Variants in DENND5A observed in about 807,000 individuals in gnomAD.
DENND5A encodes DENN domain containing 5A, also known as DENN domain-containing protein 5A.
A neutral mutation model predicts 140.3 loss-of-function variants in DENND5A; 64 were observed. The observed-to-expected ratio is 0.46, with a 90% confidence interval of 0.37 to 0.56. DENND5A has a LOEUF of 0.56. Ranked by LOEUF, DENND5A falls within the 20% of genes least tolerant of loss-of-function variation. DENND5A has a pLI of 0.00. For missense variants in DENND5A, 1,292 were observed against 1,593.8 expected, an observed-to-expected ratio of 0.81 and a Z score of 3.22; for synonymous variants, 605 against 607.7, an observed-to-expected ratio of 1.00 and a Z score of 0.07.
chr11:9,223,439 C>T (rs562247889), intron 1 of DENND5A, among the ~76,000 whole-genome samples: 2 of 152,198 alleles, frequency 1.3e-5, no homozygotes, highest in South Asian at 4.2e-4. Context: ...ACTTGGGAGG[C>T]TGAGGCAAGA....
intron 1 of DENND5A, among the ~76,000 whole-genome samples, chr11:9,248,555 TGA>T (rs1851577610): frequency 1.3e-5 from 2 of 151,846 alleles, no homozygotes; most frequent in Non-Finnish European, 2.9e-5. Flanking sequence ...CTCCAGAGGC[TGA>T]GTAGGAGGAT....
chr11:9,169,204 T>C (rs1848285617), intron 10 of DENND5A, among the ~76,000 whole-genome samples: 1 of 152,192 alleles, frequency 6.6e-6, no homozygotes, highest in African/African-American at 2.4e-5. Context: ...CCCAGCACTT[T>C]GCGGGGATGA....
chr11:9,139,868 A>C lies in DENND5A; in HGVS notation c.3681-14T>G, dbSNP rs774766295. 6.2e-7 allele frequency: 1 copy of C among 1,613,136 alleles called. No individual in the cohort carries two copies. Among genetic ancestry groups the C allele is most frequent in the South Asian group, 1.1e-5 (1 of 91,014 alleles). ...AGGAGGTGATCTCTGGCAGAGCGGG[A>C]GCAGTCCAGGCAGGTCAGAGGGGCA... On this transcript the variant is annotated splice_polypyrimidine_tract_variant and intron_variant, in intron 22 of 22. Transcript: ENST00000328194.
intron 16 of DENND5A, 67 bp from the exon 17 acceptor site, chr11:9,145,882 T>C (rs1043265760): frequency 2.4e-5 from 37 of 1,550,702 alleles, no homozygotes; most frequent in Non-Finnish European, 3.2e-5. Context: ...GATGGGACTC[T>C]GACCTGCTCC....
At chr11:9,207,496 C>G in intron 2 of DENND5A, 65 bp downstream of exon 2, 2 of 1,243,936 alleles carry the variant, frequency 1.6e-6, no homozygotes, top group Non-Finnish European at 2.3e-6. Context: ...CAAAATGCCA[C>G]TGGAGAGATA....
At chr11:9,240,592 C>T (rs564591512) in intron 1 of DENND5A, among the ~76,000 whole-genome samples, 4 of 152,052 alleles carry the variant, frequency 2.6e-5, no homozygotes, top group Non-Finnish European at 2.9e-5. Context: ...TGCCTGTAGT[C>T]GCAGCTACTC....
At position 9,225,567 on chromosome 11, in the gene DENND5A, C is replaced by T. The variant is rs1247598263; in HGVS notation, c.110-17935G>A. 4.6e-5 allele frequency among the ~76,000 whole-genome samples: 7 copies of T among 152,126 alleles called. No homozygotes were observed. In the South Asian group the frequency reaches 1.2e-3, roughly 27 times the overall value. ...TTGTGGTCAGGATTTCGAGAACAGC[C>T]TAGCCAACGTGGTAAAACCCTGTCT... On this transcript the variant is annotated intron_variant, in intron 1 of 22. Transcript: ENST00000328194.
intron 1 of DENND5A, among the ~76,000 whole-genome samples, chr11:9,251,479 A>G (rs1484080782): frequency 6.6e-6 from 1 of 152,174 alleles, no homozygotes; most frequent in Non-Finnish European, 1.5e-5. Context: ...GGTCTAAACT[A>G]TACCTATTGC....
chr11:9,223,307 T>C (rs969175464), intron 1 of DENND5A, among the ~76,000 whole-genome samples: 1 of 151,872 alleles, frequency 6.6e-6, no homozygotes, highest in Admixed American at 6.6e-5. Context: ...GTGGGCAGAA[T>C]AGGCCAAGGC....
chr11:9,195,956 CTTTT>C, intron 4 of DENND5A, among the ~76,000 whole-genome samples: 1 of 152,060 alleles, frequency 6.6e-6, no homozygotes, highest in East Asian at 1.9e-4. Flanking sequence ...AATCCCAGCA[CTTTT>C]TTTGTTTTTT....
At chr11:9,243,010 C>T (rs996630994) in intron 1 of DENND5A, among the ~76,000 whole-genome samples, 3 of 148,420 alleles carry the variant, frequency 2.0e-5, no homozygotes, top group African/African-American at 5.0e-5. Flanking sequence ...ATCACTTGAG[C>T]CCAGGAGGCA....
In DENND5A at chr11:9,147,127, G is replaced by A. The variant is rs765848025; in HGVS notation, c.2760C>T (p.Phe920=). ...LTKKLYKRYA[F]LRCDDEKEQF... ...GCTCCTTCTCGTCATCACAGCGCAG[G>A]AAGGCATAGCGCTTATATAACTTTC... is the stretch of plus-strand genomic sequence containing the variant. Residue 920 remains phenylalanine, a synonymous_variant, in exon 16 of 23, where the codon TTC becomes TTT. Coordinates refer to ENST00000328194, the MANE Select transcript of DENND5A (RefSeq NM_015213.4). 2.5e-6 allele frequency: 4 copies of A among 1,614,162 alleles called. No individual in the cohort carries two copies. The Admixed American group carries it at 5.0e-5, about 20-fold the overall frequency.
chr11:9,170,684 G>C lies in DENND5A; in HGVS notation c.2000C>G (p.Pro667Arg). ...AGACTGCAGCTTAGGGAAGAAGCCCGGCTCATATTTCCCTTGTCCAATCTT... is the reference window on the plus strand; with the variant it reads ...AGACTGCAGCTTAGGGAAGAAGCCCCGCTCATATTTCCCTTGTCCAATCTT... ...DMKIGQGKYE[P>R]GFFPKLQSDV... The change falls in exon 9 of 23, where the codon CCG becomes CGG. Residue 667 changes from proline (P) to arginine (R), a missense_variant. Transcript: ENST00000328194. 1 of 1,613,876 alleles carries C rather than the reference G, an allele frequency of 6.2e-7. No homozygotes were observed. Among genetic ancestry groups the C allele is most frequent in the Non-Finnish European group, 8.5e-7 (1 of 1,179,990 alleles).
intron 4 of DENND5A, among the ~76,000 whole-genome samples, chr11:9,202,712 C>T (rs1176411465): frequency 1.3e-5 from 2 of 152,144 alleles, no homozygotes; most frequent in African/African-American, 4.8e-5. Context: ...TACTCCCGCT[C>T]ATTCACTCCA....
At chr11:9,212,831 T>C (rs890004378) in intron 1 of DENND5A, among the ~76,000 whole-genome samples, 1 of 152,060 alleles carries the variant, frequency 6.6e-6, no homozygotes, top group African/African-American at 2.4e-5. Flanking sequence ...ATAATATTCT[T>C]GAAACAATAA....
At chr11:9,165,606 A>G (rs148742194) in intron 11 of DENND5A, among the ~76,000 whole-genome samples, 1 of 152,196 alleles carries the variant, frequency 6.6e-6, no homozygotes, top group East Asian at 1.9e-4. Flanking sequence ...TGCCCATCTT[A>G]ATACTTTTGT....
chr11:9,261,511 C>A (rs1350121975), intron 1 of DENND5A, among the ~76,000 whole-genome samples: 1 of 152,028 alleles, frequency 6.6e-6, no homozygotes, highest in Non-Finnish European at 1.5e-5. Flanking sequence ...GGAGTGGTGG[C>A]TCACGCCTGT....
At chr11:9,227,683 G>A (rs896661659) in intron 1 of DENND5A, among the ~76,000 whole-genome samples, 2 of 152,134 alleles carry the variant, frequency 1.3e-5, no homozygotes, top group East Asian at 3.9e-4. Flanking sequence ...TTTGGGCCAG[G>A]TGCAGTGGCT....
intron 1 of DENND5A, among the ~76,000 whole-genome samples, chr11:9,229,280 G>A (rs1046682696): frequency 3.3e-4 from 50 of 151,998 alleles, no homozygotes; most frequent in African/African-American, 1.2e-3. Flanking sequence ...CAGAGACCTT[G>A]GCCAAGTTAC....
Sources: gnomAD v4.1 joint callset for allele counts (sites outside exome capture counted in the v4.1 genomes callset) on GRCh38, gnomAD v4.1.1 for gene constraint, MANE v1.5 for transcripts, NCBI Gene and HGNC (gene_info 2026-07-23, HGNC 2026-07-21) for gene names.